FAM186B: variants seen among roughly 807,000 people sequenced by gnomAD.
The protein encoded by FAM186B is protein FAM186B.
In FAM186B, 68 loss-of-function variants were observed where a neutral mutation model predicts 83.4. That is an observed-to-expected ratio of 0.81 (90% CI 0.67 to 1.00). The LOEUF (loss-of-function observed/expected upper bound fraction) is 1.00. FAM186B is among the 50% of genes least tolerant of loss of function. The pLI is 0.00. For missense variants in FAM186B, 983 were observed against 1,099.2 expected (o/e 0.89, Z 1.49); for synonymous variants, 389 against 422.0 (o/e 0.92, Z 0.96).
chr12:49,617,294 C>T, the FAM186B span, among the ~76,000 whole-genome samples: 4 of 152,218 alleles, frequency 2.6e-5, no homozygotes, highest in African/African-American at 9.7e-5. Context: ...CCTGTAATCC[C>T]AGCACTTTCG....
At chr12:49,584,975 C>A (rs915829775), downstream of FAM186B, among the ~76,000 whole-genome samples, 1 of 152,030 alleles carries the variant, frequency 6.6e-6, no homozygotes, top group Non-Finnish European at 1.5e-5. Context: ...TGAGTCTGTT[C>A]ATGTGCATCT....
chr12:49,599,809 T>C lies in FAM186B; in HGVS notation c.1831A>G (p.Met611Val), dbSNP rs150032579. 4.1e-5 allele frequency: 66 copies of C among 1,613,348 alleles called. No homozygotes were observed. In the African/African-American group the frequency reaches 6.9e-4, roughly 17 times the overall value. The change falls in exon 4 of 7, where the codon ATG becomes GTG. Residue 611 changes from methionine (M) to valine (V), a missense_variant. Transcript: ENST00000257894. Reference sequence around the variant, plus strand: ...CTGTAGGTAAACTCCACTGAACTCATAGGTCTCTGCTTTCCCAGGGCAGGC... The same window carrying C: ...CTGTAGGTAAACTCCACTGAACTCACAGGTCTCTGCTTTCCCAGGGCAGGC... Reference protein sequence around the residue: ...QQPALGKQRPMSSVEFTYRPR... With the variant: ...QQPALGKQRPVSSVEFTYRPR...
the FAM186B span, among the ~76,000 whole-genome samples, chr12:49,616,275 C>T: frequency 6.6e-6 from 1 of 152,192 alleles, no homozygotes; most frequent in Non-Finnish European, 1.5e-5. Context: ...GGTCATTCAC[C>T]TGCCTCGACC....
intron 5 of FAM186B, among the ~76,000 whole-genome samples, chr12:49,593,427 G>A (rs1482360436): frequency 6.6e-6 from 1 of 152,166 alleles, no homozygotes; most frequent in Non-Finnish European, 1.5e-5. Flanking sequence ...CTGAGGTTGA[G>A]AATTGGAGAC....
chr12:49,583,845 T>TG (rs570269207), downstream of FAM186B: 1 of 153,500 alleles, frequency 6.5e-6, no homozygotes, highest in Non-Finnish European at 1.5e-5. Flanking sequence ...GGCAAGCAGC[T>TG]GTGTGTCAAG....
At chr12:49,589,711 G>A (rs1242152008) in intron 5 of FAM186B, among the ~76,000 whole-genome samples, 6 of 151,798 alleles carry the variant, frequency 4.0e-5, no homozygotes, top group South Asian at 2.1e-4. Context: ...GGCTGGGCGC[G>A]GTGGCTCATG....
chr12:49,585,684 AC>A (rs1484110484), downstream of FAM186B, among the ~76,000 whole-genome samples: 1 of 152,158 alleles, frequency 6.6e-6, no homozygotes, highest in African/African-American at 2.4e-5. Context: ...CTAGTTATGA[AC>A]CCAGATGGGG....
At chr12:49,621,998 A>G in the FAM186B span, among the ~76,000 whole-genome samples, 3 of 152,290 alleles carry the variant, frequency 2.0e-5, no homozygotes, top group African/African-American at 7.2e-5. Context: ...ATGTGTGTAC[A>G]TGTTCTAAGA....
At chr12:49,604,925 C>T (rs1161958143) in intron 1 of FAM186B, among the ~76,000 whole-genome samples, 1 of 152,082 alleles carries the variant, frequency 6.6e-6, no homozygotes, top group Non-Finnish European at 1.5e-5. Context: ...AAAAGTGAGG[C>T]CCCAAGAAAC....
intron 3 of FAM186B, among the ~76,000 whole-genome samples, chr12:49,602,616 G>T (rs866549884): frequency 2.6e-5 from 4 of 152,230 alleles, no homozygotes; most frequent in African/African-American, 7.2e-5. Context: ...TCTTGAGTGA[G>T]ATTAAGAAGC....
upstream of FAM186B, among the ~76,000 whole-genome samples, chr12:49,605,905 C>T (rs368553976): frequency 3.3e-5 from 5 of 151,538 alleles, no homozygotes; most frequent in East Asian, 1.9e-4. Flanking sequence ...ATTACAGGTG[C>T]GTGCCACCAC....
rs759094301 is a variant in FAM186B, at chr12:49,587,698, A to G, written c.2589T>C (p.Ser863=). ...AVWKTEVASS[S]YAIEKKTPAS... ...CAGGGGTCTTTTTTTCTATTGCGTA[A>G]CTGGAGGAGGCCACCTCGGTCTTCC... The change falls in exon 7 of 7, where the codon AGT becomes AGC. Residue 863 remains serine, a synonymous_variant. Coordinates refer to ENST00000257894, the MANE Select transcript of FAM186B (RefSeq NM_032130.3). 6.2e-7 allele frequency: 1 copy of G among 1,614,078 alleles called. No individual in the cohort carries two copies. The highest frequency in any genetic ancestry group is 8.5e-7 in the Non-Finnish European group (1 of 1,180,012).
At chr12:49,607,582 T>C (rs1940048317), upstream of FAM186B, among the ~76,000 whole-genome samples, 1 of 152,200 alleles carries the variant, frequency 6.6e-6, no homozygotes, top group Non-Finnish European at 1.5e-5. Flanking sequence ...GTTTAATTGG[T>C]GAGTTCTGCC....
At chr12:49,620,991 A>G in the FAM186B span, among the ~76,000 whole-genome samples, 1 of 152,228 alleles carries the variant, frequency 6.6e-6, no homozygotes, top group Non-Finnish European at 1.5e-5. Flanking sequence ...TTCCATGGTG[A>G]TAACATGGTA....
At chr12:49,604,291 G>A (rs762593691) in intron 2 of FAM186B, 22 bp downstream of exon 2, 9 of 1,601,572 alleles carry the variant, frequency 5.6e-6, no homozygotes, top group Middle Eastern at 1.7e-4. Context: ...GAGGAGGCAC[G>A]GTGCCCAGCC....
At chr12:49,605,315 TG>T (rs1199692392) in intron 1 of FAM186B, 66 bp downstream of exon 1, 1 of 1,563,792 alleles carries the variant, frequency 6.4e-7, no homozygotes, top group Non-Finnish European at 8.7e-7. Flanking sequence ...CACTCAAACC[TG>T]GGATCAGCCC....
intron 5 of FAM186B, 21 bp from the exon 6 acceptor site, chr12:49,588,644 G>T: frequency 6.5e-7 from 1 of 1,544,582 alleles, no homozygotes. Flanking sequence ...CAGCAGAGAG[G>T]CATCAGGGAA....
chr12:49,608,549 G>T (rs1940056706), upstream of FAM186B, among the ~76,000 whole-genome samples: 1 of 150,806 alleles, frequency 6.6e-6, no homozygotes, highest in African/African-American at 2.4e-5. Flanking sequence ...ATTTGGGGCT[G>T]TTAGTGTGCC....
chr12:49,587,223 G>A (rs950677192), downstream of FAM186B, among the ~76,000 whole-genome samples: 1 of 152,108 alleles, frequency 6.6e-6, no homozygotes, highest in Non-Finnish European at 1.5e-5. Flanking sequence ...CCAAGGCTCA[G>A]GTTTCTCAGG....
Sources: gnomAD v4.1 joint callset for allele counts (sites outside exome capture counted in the v4.1 genomes callset) on GRCh38, gnomAD v4.1.1 for gene constraint, MANE v1.5 for transcripts, NCBI Gene and HGNC (gene_info 2026-07-23, HGNC 2026-07-21) for gene names.